The following CREBBP variants were observed in gnomAD, a reference collection of about 807,000 sequenced individuals.
CREBBP encodes the protein CREB binding lysine acetyltransferase, also known as CREB-binding protein.
In CREBBP, 19 loss-of-function variants were observed where a neutral mutation model predicts 265.0. The observed-to-expected ratio is 0.07, with a 90% CI of 0.05 to 0.11. The LOEUF (loss-of-function observed/expected upper bound fraction) is 0.11, where lower values mean the gene tolerates loss of function less well. CREBBP is among the 10% of genes least tolerant of loss of function. The probability of loss-of-function intolerance (pLI) is 1.00; values close to 1 mark genes in which losing one functional copy is unlikely to be tolerated. For synonymous variants in CREBBP, 1,457 were observed against 1,223.7 expected (o/e 1.19, Z -3.98); for missense variants, 2,525 against 3,219.0 (o/e 0.78, Z 5.22).
intron 28 of CREBBP, among the ~76,000 whole-genome samples, chr16:3,734,733 C>T (rs969862140): frequency 2.6e-5 from 4 of 152,078 alleles, no homozygotes; most frequent in Admixed American, 6.5e-5. Context: ...CACTCTGGGG[C>T]GCCGTCCAGC....
At chr16:3,739,350 T>A in intron 25 of CREBBP, 1 of 580,560 alleles carries the variant, frequency 1.7e-6, no homozygotes, top group Non-Finnish European at 3.0e-6. Context: ...TAAGAGCGGG[T>A]CCCACACAGA....
chr16:3,760,401 T>G (rs942075159), intron 16 of CREBBP, among the ~76,000 whole-genome samples: 4 of 112,640 alleles, frequency 3.6e-5, no homozygotes, highest in African/African-American at 1.4e-4. Flanking sequence ...GTTTTTTTTT[T>G]TTTTTTTTTT....
At chr16:3,871,213 A>T (rs1296288860) in intron 1 of CREBBP, among the ~76,000 whole-genome samples, 1 of 150,876 alleles carries the variant, frequency 6.6e-6, no homozygotes, top group Non-Finnish European at 1.5e-5. Context: ...ACACACACAC[A>T]CACACACACA....
intron 3 of CREBBP, among the ~76,000 whole-genome samples, chr16:3,804,916 C>T (rs2053798245): frequency 6.6e-6 from 1 of 152,170 alleles, no homozygotes; most frequent in Non-Finnish European, 1.5e-5. Context: ...TAATGGGAAA[C>T]CCATACTGGA....
chr16:3,802,479 G>C (rs1379996018), intron 3 of CREBBP, among the ~76,000 whole-genome samples: 2 of 151,916 alleles, frequency 1.3e-5, no homozygotes, highest in African/African-American at 4.8e-5. Flanking sequence ...TATTAGGACT[G>C]TTATTGCTAC....
At chr16:3,800,020 A>G (rs558452678) in intron 3 of CREBBP, among the ~76,000 whole-genome samples, 89 of 152,352 alleles carry the variant, frequency 5.8e-4, no homozygotes, top group African/African-American at 2.1e-3. Context: ...ATTAAATTGT[A>G]AAAGTATGGG....
chr16:3,757,231 A>C (rs2052607855), intron 19 of CREBBP, 57 bp downstream of exon 19: 1 of 1,351,570 alleles, frequency 7.4e-7, no homozygotes, highest in Non-Finnish European at 1.0e-6. Context: ...CACAGACTAT[A>C]ACCAGATGAA....
intron 2 of CREBBP, among the ~76,000 whole-genome samples, chr16:3,849,429 GTGTGTGTGTGTGTGTGTGTGTGTGT>G (rs1567360201): frequency 0.031 from 396 of 12,772 alleles, 16 homozygotes; most frequent in Non-Finnish European, 0.084. Context: ...GTGTGTGTGT[GTGTGTGTGTGTGTGTGTGTGTGTGT>G]GTGTGTGTGT....
intron 1 of CREBBP, among the ~76,000 whole-genome samples, chr16:3,867,631 G>A (rs2055203139): frequency 6.6e-6 from 1 of 151,766 alleles, no homozygotes; most frequent in Non-Finnish European, 1.5e-5. Flanking sequence ...TTAAAAGAAA[G>A]CCTGGGCCGA....
chr16:3,846,591 G>A (rs552053055), intron 2 of CREBBP, among the ~76,000 whole-genome samples: 52 of 152,286 alleles, frequency 3.4e-4, no homozygotes, highest in Non-Finnish European at 4.4e-5. Context: ...CTTAAATTAC[G>A]ATATACCCAA....
chr16:3,774,731 C>A, intron 11 of CREBBP, 38 bp from the exon 12 acceptor site: 1 of 1,613,716 alleles, frequency 6.2e-7, no homozygotes. Context: ...AGGAAAAGCA[C>A]CCACAGGAAA....
rs541197132 is a variant in CREBBP, at chr16:3,876,191, A to G, written c.85+3641T>C. 5.9e-5 allele frequency among the ~76,000 whole-genome samples: 9 copies of G among 151,932 alleles called. No homozygotes were observed. In the South Asian group the frequency reaches 1.9e-3, roughly 32 times the overall value. ...ATAGCTGGGATTACAGGATTGTACT[A>G]TTACACCCAACTAATTAAAAAAATT... On this transcript the variant is annotated intron_variant, in intron 1 of 30. Transcript: ENST00000262367.
rs187537275 is a variant in CREBBP at position 3,806,415 on chromosome 16, T to A, written c.975+4188A>T. 2.6e-5 allele frequency among the ~76,000 whole-genome samples: 4 copies of A among 151,298 alleles called. No individual in the cohort carries two copies. In the East Asian group the frequency reaches 7.8e-4, roughly 30 times the overall value. ...CAGCACTACTGATGAATCTCCTGCA[T>A]CTCAACTTTAATGGTGAAGTCTCCA... On this transcript the variant is annotated intron_variant, in intron 3 of 30. Transcript: ENST00000262367.
chr16:3,782,418 A>G (rs2053292957), intron 6 of CREBBP, among the ~76,000 whole-genome samples: 1 of 152,242 alleles, frequency 6.6e-6, no homozygotes, highest in Admixed American at 6.5e-5. Context: ...TCTGAGGCAC[A>G]TGGCACATTC....
chr16:3,739,981 C>G (rs372430595), intron 24 of CREBBP, among the ~76,000 whole-genome samples: 1 of 152,218 alleles, frequency 6.6e-6, no homozygotes, highest in African/African-American at 2.4e-5. Context: ...ACTGGCTATA[C>G]AGCAGTCCCC....
chr16:3,751,437 A>G (rs891885663), intron 20 of CREBBP, among the ~76,000 whole-genome samples: 8 of 152,134 alleles, frequency 5.3e-5, no homozygotes, highest in Non-Finnish European at 7.4e-5. Flanking sequence ...AAAAAATACA[A>G]AAAAATTAGC....
intron 1 of CREBBP, among the ~76,000 whole-genome samples, chr16:3,856,364 T>C (rs139764024): frequency 0.019 from 2,865 of 152,358 alleles, 38 homozygotes; most frequent in Non-Finnish European, 0.028. Context: ...GCACCCAGGC[T>C]GGAGTGCAGT....
In CREBBP at chr16:3,806,131, G is replaced by A. The variant is rs991192822; in HGVS notation, c.975+4472C>T. Among the ~76,000 whole-genome samples, 50 of 152,266 alleles carry A rather than the reference G, an allele frequency of 3.3e-4. 1 individual carries two copies. Among genetic ancestry groups the A allele is most frequent in the African/African-American group, 1.2e-3 (48 of 41,536 alleles). On this transcript the variant is annotated intron_variant, in intron 3 of 30. Transcript: ENST00000262367. ...GCAATGGAATGAACCCCTGGACACA[G>A]GGGGCCCTGGAGGGCATCCTAGCAC...
At chr16:3,802,065 CAAACTACCTTTA>C (rs1210140009) in intron 3 of CREBBP, among the ~76,000 whole-genome samples, 2 of 144,028 alleles carry the variant, frequency 1.4e-5, no homozygotes, top group Non-Finnish European at 1.5e-5. Context: ...ACTCCACTGT[CAAACTACCTTTA>C]AAAGCAAACT....
Sources: allele counts gnomAD v4.1 joint callset (sites outside exome capture counted in the v4.1 genomes callset), GRCh38; gene constraint gnomAD v4.1.1; transcripts MANE v1.5; gene names NCBI Gene and HGNC (gene_info 2026-07-23, HGNC 2026-07-21).